Variants in PPARGC1A observed in about 807,000 individuals in gnomAD.
PPARGC1A encodes the protein PPARG coactivator 1 alpha, also known as peroxisome proliferator-activated receptor gamma coactivator 1-alpha.
PPARGC1A carries 25 observed loss-of-function variants against 88.7 expected under a neutral mutation model. That is an observed-to-expected ratio of 0.28 (90% confidence interval 0.21 to 0.39). The LOEUF (loss-of-function observed/expected upper bound fraction) is 0.39, where lower values mean the gene tolerates loss of function less well. PPARGC1A is among the 10% of genes least tolerant of loss of function. The pLI is 1.00. For synonymous variants in PPARGC1A, 363 were observed against 355.6 expected (o/e 1.02, Z -0.24); for missense variants, 880 against 968.7 (o/e 0.91, Z 1.22).
intron 3 of PPARGC1A, 52 bp downstream of exon 3, chr4:23,831,505 G>T: frequency 1.3e-6 from 2 of 1,502,272 alleles, no homozygotes; most frequent in Non-Finnish European, 1.8e-6. Flanking sequence ...CCCATGCAGC[G>T]GGTAGCCAGA....
chr4:23,976,778 A>T, the PPARGC1A span, among the ~76,000 whole-genome samples: 1 of 152,322 alleles, frequency 6.6e-6, no homozygotes, highest in Non-Finnish European at 1.5e-5. Flanking sequence ...CCTCATGAGA[A>T]GCCCACCCTG....
the PPARGC1A span, among the ~76,000 whole-genome samples, chr4:24,018,839 TC>T: frequency 3.3e-5 from 5 of 152,190 alleles, no homozygotes; most frequent in Non-Finnish European, 5.9e-5. Flanking sequence ...TTTAAAGTTT[TC>T]TTTTTTGCAA....
chr4:23,802,575 G>A (rs1475449729), intron 10 of PPARGC1A, among the ~76,000 whole-genome samples: 1 of 151,474 alleles, frequency 6.6e-6, no homozygotes, highest in Non-Finnish European at 1.5e-5. Flanking sequence ...CTACTCAGGA[G>A]GCTGACGCAG....
chr4:24,460,358 T>A, the PPARGC1A span, among the ~76,000 whole-genome samples: 1 of 152,196 alleles, frequency 6.6e-6, no homozygotes, highest in African/African-American at 2.4e-5. Flanking sequence ...GAGGACACTT[T>A]ACGGTTTACA....
the PPARGC1A span, among the ~76,000 whole-genome samples, chr4:24,151,009 T>C: frequency 1.3e-5 from 2 of 152,210 alleles, no homozygotes; most frequent in Admixed American, 6.5e-5. Flanking sequence ...AGTTCTGGGA[T>C]CTTCTCCATG....
the PPARGC1A span, among the ~76,000 whole-genome samples, chr4:24,076,980 T>C: frequency 6.6e-6 from 1 of 152,096 alleles, no homozygotes; most frequent in African/African-American, 2.4e-5. Context: ...AAGTTAATAA[T>C]TGTCTTATTT....
chr4:24,248,813 G>A, the PPARGC1A span, among the ~76,000 whole-genome samples: 1 of 152,128 alleles, frequency 6.6e-6, no homozygotes, highest in Admixed American at 6.5e-5. Context: ...TGCCCTTCTG[G>A]GGGTTATAAC....
chr4:23,903,338 C>T (rs1719637398), upstream of PPARGC1A, among the ~76,000 whole-genome samples: 1 of 152,116 alleles, frequency 6.6e-6, no homozygotes, highest in South Asian at 2.1e-4. Context: ...AGACTGTTTT[C>T]CACCTATTTT....
chr4:23,905,862 G>A (rs996611895), upstream of PPARGC1A, among the ~76,000 whole-genome samples: 1 of 152,126 alleles, frequency 6.6e-6, no homozygotes, highest in Non-Finnish European at 1.5e-5. Context: ...CAGAAAAATA[G>A]CATTTTTTGT....
chr4:24,392,532 C>A, the PPARGC1A span, among the ~76,000 whole-genome samples: 1 of 152,142 alleles, frequency 6.6e-6, no homozygotes, highest in Non-Finnish European at 1.5e-5. Flanking sequence ...AGGTATGTTC[C>A]CATAAAGCTG....
the PPARGC1A span, among the ~76,000 whole-genome samples, chr4:23,972,545 T>C: frequency 1.3e-5 from 2 of 152,218 alleles, no homozygotes; most frequent in African/African-American, 4.8e-5. Context: ...ATGAAAGTGC[T>C]TTGTGAAGCA....
the PPARGC1A span, among the ~76,000 whole-genome samples, chr4:24,311,820 G>T: frequency 6.6e-6 from 1 of 152,026 alleles, no homozygotes; most frequent in African/African-American, 2.4e-5. Context: ...AATATCAGAA[G>T]TTCTAATATA....
chr4:24,339,191 C>CGTGTGTGTGTGTGTGTGTGT, the PPARGC1A span, among the ~76,000 whole-genome samples: 1 of 103,042 alleles, frequency 9.7e-6, no homozygotes, highest in African/African-American at 3.9e-5. Context: ...AAGGTTCATC[C>CGTGTGTGTGTGTGTGTGTGT]ATGTGTGTGT....
the PPARGC1A span, among the ~76,000 whole-genome samples, chr4:24,007,081 T>C: frequency 6.6e-6 from 1 of 152,206 alleles, no homozygotes; most frequent in Non-Finnish European, 1.5e-5. Context: ...TTTTTCTTCC[T>C]TAGTGATATA....
upstream of PPARGC1A, among the ~76,000 whole-genome samples, chr4:23,901,627 G>T (rs1177080392): frequency 1.3e-5 from 2 of 151,982 alleles, no homozygotes; most frequent in African/African-American, 4.8e-5. Flanking sequence ...CATGAGCTTG[G>T]GACAATGAGA....
chr4:24,097,628 A>AGGT, the PPARGC1A span, among the ~76,000 whole-genome samples: 2 of 152,188 alleles, frequency 1.3e-5, no homozygotes, highest in Non-Finnish European at 2.9e-5. Context: ...ACACTACTGG[A>AGGT]GGTGGCTATA....
chr4:24,328,843 A>C, the PPARGC1A span, among the ~76,000 whole-genome samples: 7 of 152,306 alleles, frequency 4.6e-5, no homozygotes, highest in East Asian at 9.7e-4. Context: ...TTGGCCATTC[A>C]GTCCATGAAC....
Position 23,831,735 on chromosome 4 carries a change from T to C in PPARGC1A, c.251A>G (p.Asn84Ser). The C allele has an allele frequency of 6.2e-7, 1 of 1,612,636 alleles. No individual in the cohort carries two copies. Among genetic ancestry groups the C allele is most frequent in the Non-Finnish European group, 8.5e-7 (1 of 1,178,724 alleles). ...SNIFEKIDEE[N>S]EANLLAVLTE... ...GAGGACTGCTAGCAAGTTTGCCTCA[T>C]TCTCTTCATCTATCTTCTGCAGAAA... is the stretch of plus-strand genomic sequence containing the variant. Residue 84 changes from asparagine to serine, a missense_variant, in exon 3 of 13, where the codon AAT (asparagine) becomes AGT (serine). Coordinates refer to ENST00000264867, the MANE Select transcript of PPARGC1A (RefSeq NM_013261.5).
the PPARGC1A span, among the ~76,000 whole-genome samples, chr4:23,914,940 A>G: frequency 6.6e-6 from 1 of 152,250 alleles, no homozygotes; most frequent in African/African-American, 2.4e-5. Flanking sequence ...ATATATTGCA[A>G]TAATTTCTGA....
Sources: allele counts gnomAD v4.1 joint callset (sites outside exome capture counted in the v4.1 genomes callset), GRCh38; gene constraint gnomAD v4.1.1; transcripts MANE v1.5; gene names NCBI Gene and HGNC (gene_info 2026-07-23, HGNC 2026-07-21).